Variants in TSPAN18 observed in about 807,000 individuals in gnomAD.
TSPAN18 encodes tetraspanin-18.
Under a neutral mutation model 27.3 loss-of-function variants are expected in TSPAN18, and 14 were observed. That is an observed-to-expected ratio of 0.51 (90% confidence interval 0.34 to 0.80). The LOEUF (loss-of-function observed/expected upper bound fraction) is 0.80, where lower values mean the gene tolerates loss of function less well. Among genes scored for constraint, TSPAN18 ranks in the 30% least tolerant of loss-of-function variants. The pLI is 0.01. For missense variants in TSPAN18, 268 were observed against 323.9 expected (o/e 0.83, Z 1.32); for synonymous variants, 143 against 136.5 (o/e 1.05, Z -0.33).
chr11:44,847,340 C>T (rs1456105826), intron 2 of TSPAN18, among the ~76,000 whole-genome samples: 1 of 152,206 alleles, frequency 6.6e-6, no homozygotes, highest in African/African-American at 2.4e-5. Context: ...TCATTGACCT[C>T]CTGTGAGTTA....
intron 3 of TSPAN18, among the ~76,000 whole-genome samples, chr11:44,864,155 C>G (rs748681094): frequency 1.5e-4 from 23 of 151,972 alleles, no homozygotes; most frequent in Non-Finnish European, 2.6e-4. Flanking sequence ...GGTGTGGTGG[C>G]ATTCGCCTGT....
intron 4 of TSPAN18, among the ~76,000 whole-genome samples, chr11:44,908,769 G>GAAAGAAAAAGAA (rs1554938043): frequency 1.2e-3 from 89 of 71,628 alleles, no homozygotes; most frequent in South Asian, 1.7e-3. Flanking sequence ...AGAGAGAAAG[G>GAAAGAAAAAGAA]AGAAAGAAAG....
rs1169733393 is a variant in TSPAN18 at position 44,919,972 on chromosome 11, G to A, written c.588G>A (p.Leu196=). ...TGCTGAGCCGGGAGGAGTGCCTCCT[G>A]GGAAGGAGCCTATTCCTAAACAAGC... The part of the protein sequence containing the change: ...GVLLSREECL[L]GRSLFLNKQG... Residue 196 remains leucine, a synonymous_variant, in exon 8 of 10, where the codon CTG becomes CTA. Transcript: ENST00000520358. 2 of 1,613,834 alleles carry A rather than the reference G, an allele frequency of 1.2e-6. No individual in the cohort carries two copies. Among genetic ancestry groups the A allele is most frequent in the Non-Finnish European group, 1.7e-6 (2 of 1,179,868 alleles).
At chr11:44,902,613 A>G (rs780418134) in intron 3 of TSPAN18, among the ~76,000 whole-genome samples, 54 of 152,164 alleles carry the variant, frequency 3.5e-4, no homozygotes, top group Non-Finnish European at 6.0e-4. Flanking sequence ...AGCCATCCCT[A>G]TGGGTCCCCA....
At chr11:44,917,319 C>A in intron 5 of TSPAN18, among the ~76,000 whole-genome samples, 1 of 152,148 alleles carries the variant, frequency 6.6e-6, no homozygotes, top group South Asian at 2.1e-4. Flanking sequence ...CTGTGAGGTC[C>A]CCGAAATGAG....
chr11:44,920,757 C>G (rs550923479), intron 8 of TSPAN18, among the ~76,000 whole-genome samples: 1 of 152,146 alleles, frequency 6.6e-6, no homozygotes, highest in Non-Finnish European at 1.5e-5. Flanking sequence ...AGGACTTTAA[C>G]GAGGGTCTCA....
chr11:44,792,391 GCCA>G (rs1348947489), intron 2 of TSPAN18, among the ~76,000 whole-genome samples: 2 of 152,206 alleles, frequency 1.3e-5, no homozygotes, highest in Admixed American at 1.3e-4. Context: ...CAGGGCTGGA[GCCA>G]AGTTCACAGG....
Position 44,918,051 on chromosome 11 carries a change from G to GT in TSPAN18, c.333+6dup, listed in dbSNP as rs1278269451. ...GCCTTCATCTTCAGGGAAAATGTAC[G>GT]TATCAGGCCCCAAGCTTTCCTGCCT... is the stretch of plus-strand genomic sequence containing the variant. On this transcript the variant is annotated splice_donor_region_variant and intron_variant, in intron 6 of 9. Coordinates refer to ENST00000520358, the MANE Select transcript of TSPAN18 (RefSeq NM_130783.5). 9.3e-6 allele frequency: 15 copies of GT among 1,613,736 alleles called. No individual in the cohort carries two copies. Among genetic ancestry groups the GT allele is most frequent in the Non-Finnish European group, 1.3e-5 (15 of 1,179,970 alleles).
Position 44,909,583 on chromosome 11 carries a change from C to T in TSPAN18, c.64-122C>T, listed in dbSNP as rs537986315. ...GCTCTCGCCGCAGGTGAATTCCTGC[C>T]TGGCTCACCTAGTGCTTGATGCCTC... On this transcript the variant is annotated intron_variant, in intron 4 of 9. Transcript: ENST00000520358. 8.2e-5 allele frequency: 81 copies of T among 985,958 alleles called. No individual in the cohort carries two copies. In the African/African-American group the frequency reaches 1.3e-3, roughly 15 times the overall value. The allele number at this position is 985,958 out of a possible 1,614,324, so 61.1% of individuals were successfully genotyped here. A position where few individuals can be genotyped will look rare whatever the true frequency, so the allele number is the denominator to read the frequency against.
intron 6 of TSPAN18, among the ~76,000 whole-genome samples, chr11:44,918,632 T>G (rs1590691051): frequency 6.7e-6 from 1 of 149,712 alleles, no homozygotes; most frequent in African/African-American, 2.5e-5. Context: ...GCGGGGAGGG[T>G]AGCCAGCACG....
At chr11:44,877,005 G>A (rs893813905) in intron 3 of TSPAN18, among the ~76,000 whole-genome samples, 9 of 152,222 alleles carry the variant, frequency 5.9e-5, no homozygotes, top group African/African-American at 2.2e-4. Flanking sequence ...AGCCTGCAGC[G>A]GACGCCAGGA....
At chr11:44,796,439 G>A (rs1246443007) in intron 2 of TSPAN18, among the ~76,000 whole-genome samples, 1 of 152,116 alleles carries the variant, frequency 6.6e-6, no homozygotes, top group Non-Finnish European at 1.5e-5. Flanking sequence ...CCCTTCACAC[G>A]GTGGAGATAA....
At chr11:44,791,811 A>G (rs185909224) in intron 2 of TSPAN18, among the ~76,000 whole-genome samples, 29 of 152,276 alleles carry the variant, frequency 1.9e-4, no homozygotes, top group Middle Eastern at 3.4e-3. Context: ...AGGCACCCTC[A>G]CTTCTTGGCT....
chr11:44,901,158 C>T (rs1299863421), intron 3 of TSPAN18: 1 of 152,118 alleles, frequency 6.6e-6, no homozygotes, highest in South Asian at 2.1e-4. Flanking sequence ...AACTGGAACC[C>T]GGGCCTCCAT....
At chr11:44,854,009 C>T (rs1364244196) in intron 2 of TSPAN18, among the ~76,000 whole-genome samples, 2 of 152,138 alleles carry the variant, frequency 1.3e-5, no homozygotes, top group African/African-American at 2.4e-5. Context: ...TAAAATATTT[C>T]GTTTTGGTGT....
chr11:44,866,413 T>G (rs960165782), intron 3 of TSPAN18, among the ~76,000 whole-genome samples: 11 of 152,214 alleles, frequency 7.2e-5, no homozygotes, highest in African/African-American at 2.7e-4. Flanking sequence ...TGGGAAAGGC[T>G]GCTGGACTTG....
intron 5 of TSPAN18, among the ~76,000 whole-genome samples, chr11:44,910,563 G>A (rs898714854): frequency 6.6e-6 from 1 of 152,220 alleles, no homozygotes; most frequent in Non-Finnish European, 1.5e-5. Context: ...TTTTCCACTT[G>A]CTTGCTATTA....
At chr11:44,828,898 G>A (rs778045283) in intron 2 of TSPAN18, among the ~76,000 whole-genome samples, 5 of 151,882 alleles carry the variant, frequency 3.3e-5, no homozygotes, top group East Asian at 3.9e-4. Flanking sequence ...TCTCCATCAC[G>A]ACCCTTGTGG....
intron 2 of TSPAN18, among the ~76,000 whole-genome samples, chr11:44,780,253 A>T (rs1855907873): frequency 6.6e-6 from 1 of 152,156 alleles, no homozygotes; most frequent in Non-Finnish European, 1.5e-5. Flanking sequence ...AAGCTATTAG[A>T]TGAAATTGAT....
Sources: gnomAD v4.1 joint callset for allele counts (sites outside exome capture counted in the v4.1 genomes callset) on GRCh38, gnomAD v4.1.1 for gene constraint, MANE v1.5 for transcripts, NCBI Gene and HGNC (gene_info 2026-07-23, HGNC 2026-07-21) for gene names.